The following MMP16 variants were observed in gnomAD, a reference collection of about 807,000 sequenced individuals.
MMP16 encodes matrix metalloproteinase-16.
A neutral mutation model predicts 67.8 loss-of-function variants in MMP16; 12 were observed. That is an observed-to-expected ratio of 0.18 (90% CI 0.11 to 0.29). MMP16 has a LOEUF of 0.29. Ranked by LOEUF, MMP16 falls within the 10% of genes least tolerant of loss-of-function variation. MMP16 has a pLI of 1.00. For synonymous variants in MMP16, 249 were observed against 255.9 expected, an observed-to-expected ratio of 0.97 and a Z score of 0.26; for missense variants, 475 against 765.7, an observed-to-expected ratio of 0.62 and a Z score of 4.48.
chr8:88,206,034 T>A (rs2129804458), intron 1 of MMP16, among the ~76,000 whole-genome samples: 1 of 152,236 alleles, frequency 6.6e-6, no homozygotes. Flanking sequence ...ACAATCATTT[T>A]CCACAAGAAA....
At chr8:88,199,573 A>G (rs181359870) in intron 1 of MMP16, among the ~76,000 whole-genome samples, 284 of 152,102 alleles carry the variant, frequency 1.9e-3, no homozygotes, top group African/African-American at 6.4e-3. Context: ...ATAAAAAATT[A>G]CATCTATTAA....
chr8:88,313,752 T>C (rs1811334713), intron 1 of MMP16, among the ~76,000 whole-genome samples: 1 of 152,116 alleles, frequency 6.6e-6, no homozygotes, highest in African/African-American at 2.4e-5. Context: ...AGAGGTTTAA[T>C]GGACTCACAG....
chr8:88,314,042 T>C (rs1035620476), intron 1 of MMP16, among the ~76,000 whole-genome samples: 5 of 152,152 alleles, frequency 3.3e-5, no homozygotes, highest in African/African-American at 1.2e-4. Context: ...CCATATCACA[T>C]GTATATTAGG....
At chr8:88,295,678 CATG>C (rs1330462504) in intron 1 of MMP16, among the ~76,000 whole-genome samples, 1 of 152,020 alleles carries the variant, frequency 6.6e-6, no homozygotes, top group Non-Finnish European at 1.5e-5. Flanking sequence ...ATCTAATAAA[CATG>C]GTGGTTTCTG....
chr8:88,294,326 G>A (rs1230475176), intron 1 of MMP16, among the ~76,000 whole-genome samples: 2 of 149,956 alleles, frequency 1.3e-5, no homozygotes, highest in African/African-American at 2.4e-5. Context: ...GTCTATATGT[G>A]TATGTCTATA....
Position 88,287,171 on chromosome 8 carries a change from C to T in MMP16, c.132+39904G>A, listed in dbSNP as rs888161908. Among the ~76,000 whole-genome samples the T allele has an allele frequency of 3.9e-5, 6 of 152,182 alleles. No homozygotes were observed. In the East Asian group the frequency reaches 7.7e-4, roughly 20 times the overall value. On this transcript the variant is annotated intron_variant, in intron 1 of 9. Coordinates refer to ENST00000286614, the MANE Select transcript of MMP16 (RefSeq NM_005941.5). Reference sequence around the variant, plus strand: ...AGACAAAGCCACTTAACAAGTTCTGCGTGCTCTGATGCCCTGCCTATATTC... The same window carrying T: ...AGACAAAGCCACTTAACAAGTTCTGTGTGCTCTGATGCCCTGCCTATATTC...
At chr8:88,118,945 T>C in intron 4 of MMP16, 84 bp from the exon 5 acceptor site, 1 of 1,322,676 alleles carries the variant, frequency 7.6e-7, no homozygotes. Flanking sequence ...TATCAACATT[T>C]TACCCAAGAA....
At chr8:88,182,284 A>C (rs1385176584) in intron 3 of MMP16, among the ~76,000 whole-genome samples, 1 of 152,148 alleles carries the variant, frequency 6.6e-6, no homozygotes, top group Non-Finnish European at 1.5e-5. Flanking sequence ...AATATACAGA[A>C]AATCTTAAAA....
chr8:88,289,950 T>C (rs1810896760), intron 1 of MMP16, among the ~76,000 whole-genome samples: 2 of 152,066 alleles, frequency 1.3e-5, no homozygotes, highest in South Asian at 2.1e-4. Flanking sequence ...CCCTACTGCC[T>C]CCATCCTCTG....
chr8:88,046,275 T>A (rs1045881729), intron 9 of MMP16, among the ~76,000 whole-genome samples: 1 of 152,178 alleles, frequency 6.6e-6, no homozygotes, highest in African/African-American at 2.4e-5. Context: ...AAATTATAAT[T>A]CTCAACATGC....
intron 6 of MMP16, among the ~76,000 whole-genome samples, chr8:88,109,900 T>C (rs1178147419): frequency 6.6e-6 from 1 of 151,260 alleles, no homozygotes; most frequent in Non-Finnish European, 1.5e-5. Flanking sequence ...TTAATATAAT[T>C]TCAGAAAACA....
intron 4 of MMP16, among the ~76,000 whole-genome samples, chr8:88,147,400 C>A (rs1808311823): frequency 6.6e-6 from 1 of 152,120 alleles, no homozygotes; most frequent in Admixed American, 6.5e-5. Context: ...ACACAGATTA[C>A]ACATTGTTAT....
intron 4 of MMP16, among the ~76,000 whole-genome samples, chr8:88,138,641 C>G (rs1024790571): frequency 6.6e-6 from 1 of 152,028 alleles, no homozygotes; most frequent in Admixed American, 6.6e-5. Context: ...GTTATCTTGG[C>G]TTCTCTGTAA....
chr8:88,155,046 T>C (rs1056103653), intron 4 of MMP16, among the ~76,000 whole-genome samples: 2 of 152,080 alleles, frequency 1.3e-5, no homozygotes, highest in African/African-American at 2.4e-5. Context: ...CAACAAAATG[T>C]TTGTTGAAGG....
At position 88,129,009 on chromosome 8, in the gene MMP16, G is replaced by T. The variant is rs1008512359; in HGVS notation, c.710-10148C>A. Among the ~76,000 whole-genome samples, 11 of 151,800 alleles carry T rather than the reference G, an allele frequency of 7.2e-5. 1 individual carries two copies. Among genetic ancestry groups the T allele is most frequent in the Admixed American group, 6.6e-4 (10 of 15,176 alleles). The stretch of plus-strand genomic sequence containing the variant: ...ATGTACAAATTCCAATATCAAGGAA[G>T]TAGCAAGAGAGAATTAACCAGAAAT... On this transcript the variant is annotated intron_variant, in intron 4 of 9. Transcript: ENST00000286614.
At chr8:88,247,051 G>C (rs1029879925) in intron 1 of MMP16, among the ~76,000 whole-genome samples, 21 of 152,130 alleles carry the variant, frequency 1.4e-4, no homozygotes, top group African/African-American at 4.6e-4. Flanking sequence ...AAGACCTTAG[G>C]AAATAAGAAT....
At chr8:88,304,274 C>T (rs1811178451) in intron 1 of MMP16, among the ~76,000 whole-genome samples, 1 of 152,118 alleles carries the variant, frequency 6.6e-6, no homozygotes, top group African/African-American at 2.4e-5. Context: ...GTAAACAAAA[C>T]CTCTGAGAAA....
At chr8:88,326,082 T>C (rs1050390725) in intron 1 of MMP16, among the ~76,000 whole-genome samples, 1 of 152,170 alleles carries the variant, frequency 6.6e-6, no homozygotes, top group African/African-American at 2.4e-5. Flanking sequence ...AAATTATTCA[T>C]AATTCGTTTG....
intron 6 of MMP16, among the ~76,000 whole-genome samples, chr8:88,091,905 C>A (rs1262505523): frequency 1.3e-5 from 2 of 151,788 alleles, no homozygotes; most frequent in African/African-American, 2.4e-5. Flanking sequence ...ACGCAGAGTA[C>A]CTTCATCATT....
Sources: gnomAD v4.1 joint callset for allele counts (sites outside exome capture counted in the v4.1 genomes callset) on GRCh38, gnomAD v4.1.1 for gene constraint, MANE v1.5 for transcripts, NCBI Gene and HGNC (gene_info 2026-07-23, HGNC 2026-07-21) for gene names.